Variants in GMPPB observed in about 807,000 individuals in gnomAD.
The protein encoded by GMPPB is GDP-mannose pyrophosphorylase B.
GMPPB carries 38 observed loss-of-function variants against 40.3 expected under a neutral mutation model. That is an observed-to-expected ratio of 0.94 (90% CI 0.73 to 1.24). The LOEUF (loss-of-function observed/expected upper bound fraction) is 1.24, where lower values mean the gene tolerates loss of function less well. Ranked by LOEUF, GMPPB falls within the 50% of genes most tolerant of loss-of-function variation. The probability of loss-of-function intolerance (pLI) is 0.00; values close to 1 mark genes in which losing one functional copy is unlikely to be tolerated. For missense variants in GMPPB, 436 were observed against 487.1 expected, an observed-to-expected ratio of 0.90 and a Z score of 0.99; for synonymous variants, 193 against 191.8, an observed-to-expected ratio of 1.01 and a Z score of -0.05.
rs1207072224 is a variant in GMPPB at position 49,721,537 on chromosome 3, C to T, written c.*215G>A. ...AAATTATTATTCCATACAGCCCTGG[C>T]CCTGGCCCTTCTTGAGGGAGTGGGG... On this transcript the variant is annotated 3_prime_UTR_variant, in exon 9 of 9. Transcript: ENST00000308388. 5.0e-6 allele frequency: 4 copies of T among 803,280 alleles called. No homozygotes were observed. The highest frequency in any genetic ancestry group is 2.8e-5 in the South Asian group (2 of 70,634). 49.8% of individuals were successfully genotyped at this position (803,280 alleles called of 1,614,324 possible).
chr3:49,721,921 C>T lies in GMPPB; in HGVS notation c.952-38G>A, dbSNP rs1229132200. ...ATAGGCCTTGTCAGGGAGGCAGGCA[C>T]ACTCCCCGCCCCTCTCCCCACCCAG... On this transcript the variant is annotated intron_variant, in intron 8 of 8. Transcript: ENST00000308388. The T allele has an allele frequency of 3.1e-6, 5 of 1,613,730 alleles. No individual in the cohort carries two copies. The South Asian group carries it at 4.4e-5, about 14-fold the overall frequency.
At chr3:49,722,903 G>A in intron 4 of GMPPB, 69 bp downstream of exon 4, 1 of 1,564,382 alleles carries the variant, frequency 6.4e-7, no homozygotes. Context: ...GGCAGATGAA[G>A]GCTAGGGGGC....
In GMPPB at chr3:49,721,269, G is replaced by A. The variant is rs1439723196; in HGVS notation, c.*483C>T. 6.2e-7 allele frequency: 1 copy of A among 1,614,076 alleles called. No individual in the cohort carries two copies. The highest frequency in any genetic ancestry group is 1.1e-5 in the South Asian group (1 of 91,088). ...TCGTGTCTGTAGAGGACTGGGAGAAGGGAGCCAATACGAGTACTACCTCCT... is the reference window on the plus strand; with the variant it reads ...TCGTGTCTGTAGAGGACTGGGAGAAAGGAGCCAATACGAGTACTACCTCCT... On this transcript the variant is annotated 3_prime_UTR_variant, in exon 9 of 9. Transcript: ENST00000308388.
Position 49,721,788 on chromosome 3 carries a change from A to T in GMPPB, c.1047T>A (p.Ile349=). 1 of 1,611,030 alleles carries T rather than the reference A, an allele frequency of 6.2e-7. No homozygotes were observed. The highest frequency in any genetic ancestry group is 8.5e-7 in the Non-Finnish European group (1 of 1,179,764). ...NGASVLPHKS[I]GESVPEPRII... Reference sequence around the variant, plus strand: ...TACGAGGCTCTGGCACTGACTCGCCAATAGACTTGTGGGGCAGCACGCTGG... The same window carrying T: ...TACGAGGCTCTGGCACTGACTCGCCTATAGACTTGTGGGGCAGCACGCTGG... The change falls in exon 9 of 9, where the codon ATT becomes ATA. Residue 349 remains isoleucine, a synonymous_variant. Coordinates refer to ENST00000308388, the MANE Select transcript of GMPPB (RefSeq NM_021971.4).
chr3:49,722,408 C>G (rs1414236165), intron 6 of GMPPB, 24 bp downstream of exon 6: 3 of 1,613,934 alleles, frequency 1.9e-6, no homozygotes, highest in Admixed American at 1.7e-5. Context: ...AGACCACCCC[C>G]ACCCTGTGGC....
At position 49,723,607 on chromosome 3, in the gene GMPPB, C is replaced by T. The variant is rs765860505; in HGVS notation, c.120G>A (p.Ala40=). Residue 40 remains alanine, a synonymous_variant, in exon 1 of 9, where the codon GCG becomes GCA. Transcript: ENST00000308388. The part of the protein sequence containing the change: ...NKPILLHQVE[A]LAAAGVDHVI... ...CGACCCAGGGTCTTACCGCGGCTAG[C>T]GCCTCCACTTGGTGCAGCAAGATGG... The T allele has an allele frequency of 3.1e-6, 5 of 1,589,302 alleles. No homozygotes were observed. The African/African-American group carries it at 5.4e-5, about 17-fold the overall frequency.
rs2080372208 is a variant in GMPPB at position 49,720,353 on chromosome 3, C to T, written c.*1399G>A. The T allele has an allele frequency of 2.0e-5, 12 of 589,658 alleles. No individual in the cohort carries two copies. The highest frequency in any genetic ancestry group is 4.2e-4 in the Middle Eastern group (1 of 2,364). 36.5% of individuals were successfully genotyped at this position (589,658 alleles called of 1,614,324 possible). A position where few individuals can be genotyped will look rare whatever the true frequency, so the allele number is the denominator to read the frequency against. ...AAAAAACAGGCTGTGTGGCACCTTA[C>T]TAGAATACAGGACTTGGGGTTTGGG... On this transcript the variant is annotated 3_prime_UTR_variant, in exon 9 of 9. Transcript: ENST00000308388.
chr3:49,722,406 C>G (rs371850986), intron 6 of GMPPB, 26 bp downstream of exon 6: 101 of 1,613,920 alleles, frequency 6.3e-5, no homozygotes, highest in Middle Eastern at 1.6e-4. Flanking sequence ...ACAGACCACC[C>G]CCACCCTGTG....
rs1224354030 is a variant in GMPPB, at chr3:49,723,432, G to A, written c.170C>T (p.Ser57Leu). Residue 57 changes from serine to leucine, a missense_variant, in exon 2 of 9, where the codon TCG becomes TTG. Ser to Leu is a moderately radical substitution (Grantham distance 145). Coordinates refer to ENST00000308388, the MANE Select transcript of GMPPB (RefSeq NM_021971.4). ...CTTCATTTCCTTCTCCAGCACCTGC[G>A]ACATGTAGCTCACGGCCAGGATCAC... is the stretch of plus-strand genomic sequence containing the variant. Reference protein sequence around the residue: ...DHVILAVSYMSQVLEKEMKAQ... With the variant: ...DHVILAVSYMLQVLEKEMKAQ... The A allele has an allele frequency of 1.2e-6, 2 of 1,614,092 alleles. No individual in the cohort carries two copies. The highest frequency in any genetic ancestry group is 1.1e-5 in the South Asian group (1 of 91,076).
At position 49,720,851 on chromosome 3, in the gene GMPPB, C is replaced by T. The variant is rs1231352732; in HGVS notation, c.*901G>A. 34 of 1,614,174 alleles carry T rather than the reference C, an allele frequency of 2.1e-5. No homozygotes were observed. The highest frequency in any genetic ancestry group is 2.6e-5 in the Non-Finnish European group (31 of 1,180,026). On this transcript the variant is annotated 3_prime_UTR_variant, in exon 9 of 9. Transcript: ENST00000308388. ...CTGGCCCAAGTGGAACAGATGCTGG[C>T]GCACCTGACCTCTGCATCTGCCCAG...
In GMPPB at chr3:49,721,032, G is replaced by C; in HGVS notation, c.*720C>G. 6.2e-7 allele frequency: 1 copy of C among 1,612,472 alleles called. No homozygotes were observed. Among genetic ancestry groups the C allele is most frequent in the Non-Finnish European group, 8.5e-7 (1 of 1,178,920 alleles). On this transcript the variant is annotated 3_prime_UTR_variant, in exon 9 of 9. Coordinates refer to ENST00000308388, the MANE Select transcript of GMPPB (RefSeq NM_021971.4). ...CTCCTCCCTGCAGCCCACCAGTGAG[G>C]AGGACCTCTGCCCCATCTGCTATGC...
chr3:49,720,401 C>A lies in GMPPB; in HGVS notation c.*1351G>T. ...GGGAAGCAGGGAGACGGAAAGGATG[C>A]AGGGGGGGTGATCATGTACGAGCCA... On this transcript the variant is annotated 3_prime_UTR_variant, in exon 9 of 9. Transcript: ENST00000308388. 1 of 1,116,364 alleles carries A rather than the reference C, an allele frequency of 9.0e-7. No individual in the cohort carries two copies. The highest frequency in any genetic ancestry group is 1.2e-6 in the Non-Finnish European group (1 of 822,338). The allele number at this position is 1,116,364 out of a possible 1,614,324, so 69.2% of individuals were successfully genotyped here.
At position 49,722,343 on chromosome 3, in the gene GMPPB, A is replaced by G. The variant is rs761714818; in HGVS notation, c.656T>C (p.Ile219Thr). 141 of 1,613,790 alleles carry G rather than the reference A, an allele frequency of 8.7e-5. No homozygotes were observed. Among genetic ancestry groups the G allele is most frequent in the Non-Finnish European group, 1.1e-4 (125 of 1,179,976 alleles). The change falls in exon 7 of 9, where the codon ATT becomes ACT. Residue 219 changes from isoleucine to threonine, a missense_variant. Transcript: ENST00000308388. Reference protein sequence around the residue: ...AMELQGFWMDIGQPKDFLTGM... With the variant: ...AMELQGFWMDTGQPKDFLTGM... The stretch of plus-strand genomic sequence containing the variant: ...AGTGAGGAAGTCCTTGGGCTGCCCA[A>G]TGTCCATCCAGAAGCCTGTAGGGAG...
Position 49,721,365 on chromosome 3 carries a change from C to CTAT in GMPPB, c.*384_*386dup, listed in dbSNP as rs1289515226. ...TTTGAACCCAGAGCCAGGCTGGGCC[C>CTAT]TATTTATGAGCTCCCTTTGCCCTTC... On this transcript the variant is annotated 3_prime_UTR_variant, in exon 9 of 9. Coordinates refer to ENST00000308388, the MANE Select transcript of GMPPB (RefSeq NM_021971.4). The CTAT allele has an allele frequency of 9.3e-6, 15 of 1,610,060 alleles. No individual in the cohort carries two copies. Among genetic ancestry groups the CTAT allele is most frequent in the Non-Finnish European group, 1.3e-5 (15 of 1,176,640 alleles).
At chr3:49,722,950 G>C in intron 4 of GMPPB, 22 bp downstream of exon 4, 2 of 1,611,196 alleles carry the variant, frequency 1.2e-6, no homozygotes, top group Non-Finnish European at 1.7e-6. Context: ...AGTGTCAAGA[G>C]AGAGAAGACC....
chr3:49,723,174 A>C lies in GMPPB; in HGVS notation c.260-60T>G, dbSNP rs535123551. On this transcript the variant is annotated intron_variant, in intron 3 of 8. Transcript: ENST00000308388. Reference sequence around the variant, plus strand: ...GGTCTGAGTCCCTGGATTCAGGCTCAGCAGGCCCACTCCAGGCTGGGTCTT... The same window carrying C: ...GGTCTGAGTCCCTGGATTCAGGCTCCGCAGGCCCACTCCAGGCTGGGTCTT... 1.4e-5 allele frequency: 22 copies of C among 1,611,236 alleles called. No individual in the cohort carries two copies. In the Admixed American group the frequency reaches 3.5e-4, roughly 26 times the overall value.
In GMPPB at chr3:49,722,145, G is replaced by A. The variant is rs1314961622; in HGVS notation, c.771C>T (p.Asp257=). The A allele has an allele frequency of 1.2e-6, 2 of 1,609,722 alleles. No homozygotes were observed. The highest frequency in any genetic ancestry group is 1.7e-6 in the Non-Finnish European group (2 of 1,177,044). The change falls in exon 8 of 9, where the codon GAC becomes GAT. Residue 257 remains aspartate, a splice_region_variant and synonymous_variant. Coordinates refer to ENST00000308388, the MANE Select transcript of GMPPB (RefSeq NM_021971.4). ...GPGIVGNVLV[D]PSARIGQNCS... ...AGTTCTGGCCGATGCGGGCACTTGG[G>A]TCCTGAGAGCGGTGGGAAAAATACA...
In GMPPB at chr3:49,721,987, C is replaced by A; in HGVS notation, c.929G>T (p.Trp310Leu). ...HSWLESCIVG[W>L]RCRVGQWVRM... ...TACCCACTGACCCACGCGGCAGCGC[C>A]AGCCCACAATGCAGGACTCAAGCCA... The change falls in exon 8 of 9, where the codon TGG becomes TTG. Residue 310 changes from tryptophan (W) to leucine (L), a missense_variant. Physicochemically the swap from Trp to Leu is moderately conservative, Grantham distance 61. Transcript: ENST00000308388. 1.2e-6 allele frequency: 2 copies of A among 1,613,662 alleles called. No individual in the cohort carries two copies. The highest frequency in any genetic ancestry group is 1.7e-6 in the Non-Finnish European group (2 of 1,180,010).
rs1171978748 is a variant in GMPPB, at chr3:49,721,960, C to T, written c.951+5G>A. 1.3e-6 allele frequency: 2 copies of T among 1,593,018 alleles called. No individual in the cohort carries two copies. Among genetic ancestry groups the T allele is most frequent in the African/African-American group, 1.3e-5 (1 of 74,586 alleles). The stretch of plus-strand genomic sequence containing the variant: ...CTCCCCACCCAGCCCAGCCCACAGG[C>T]TTACCCACTGACCCACGCGGCAGCG... On this transcript the variant is annotated splice_donor_5th_base_variant and intron_variant, in intron 8 of 8. Coordinates refer to ENST00000308388, the MANE Select transcript of GMPPB (RefSeq NM_021971.4).
Sources: gnomAD v4.1 joint callset for allele counts on GRCh38, gnomAD v4.1.1 for gene constraint, MANE v1.5 for transcripts, NCBI Gene and HGNC (gene_info 2026-07-23, HGNC 2026-07-21) for gene names.